Variants in A2M observed in about 807,000 individuals in gnomAD.
The protein encoded by A2M is C3 and PZP-like alpha-2-macroglobulin domain-containing protein 5.
Under a neutral mutation model 183.9 loss-of-function variants are expected in A2M, and 128 were observed. That is an observed-to-expected ratio of 0.70 (90% CI 0.60 to 0.81). A2M has a LOEUF of 0.81. A2M is among the 30% of genes least tolerant of loss of function. A2M has a pLI of 0.00. For synonymous variants in A2M, 592 were observed against 670.8 expected, an observed-to-expected ratio of 0.88 and a Z score of 1.81; for missense variants, 1,495 against 1,787.6, an observed-to-expected ratio of 0.84 and a Z score of 2.95.
chr12:9,095,741 ACTTT>A, intron 15 of A2M, 41 bp from the exon 16 acceptor site: 17 of 437,032 alleles, frequency 3.9e-5, no homozygotes, highest in East Asian at 5.3e-5. Flanking sequence ...CTTATTTGTG[ACTTT>A]TTTTTTTTTT....
chr12:9,098,840 G>A lies in A2M; in HGVS notation c.1702-84C>T, dbSNP rs137971194. The A allele has an allele frequency of 3.8e-4, 562 of 1,488,656 alleles. No individual in the cohort carries two copies. The Middle Eastern group carries it at 4.3e-3, about 11-fold the overall frequency. The allele number at this position is 1,488,656 out of a possible 1,614,324, so 92.2% of individuals were successfully genotyped here. On this transcript the variant is annotated intron_variant, in intron 14 of 35. Transcript: ENST00000318602. The stretch of plus-strand genomic sequence containing the variant: ...CTCGCATTTGCAGAGTGTTCCTCAT[G>A]TACAATGTATAACCACTCTGCTTGA...
Position 9,074,615 on chromosome 12 carries a change from A to G in A2M, c.3701T>C (p.Ile1234Thr), listed in dbSNP as rs1948682136. ...TSEDLTSATN[I>T]VKWITKQQNA... ...CTGCTGCTTCGTGATCCACTTCACGATGTTGGTTGCAGAGGTCAGGTCCTC... is the reference window on the plus strand; with the variant it reads ...CTGCTGCTTCGTGATCCACTTCACGGTGTTGGTTGCAGAGGTCAGGTCCTC... Residue 1234 changes from isoleucine (I) to threonine (T), a missense_variant, in exon 29 of 36, where the codon ATC becomes ACC. Transcript: ENST00000318602. 6.2e-7 allele frequency: 1 copy of G among 1,613,656 alleles called. No homozygotes were observed. The highest frequency in any genetic ancestry group is 1.3e-5 in the African/African-American group (1 of 74,862).
intron 33 of A2M, 121 bp downstream of exon 33, chr12:9,069,624 A>G: frequency 1.5e-6 from 1 of 674,530 alleles, no homozygotes; most frequent in Non-Finnish European, 2.5e-6. Context: ...TAGAGTTAAC[A>G]TTAGAATTCT....
chr12:9,090,478 C>T lies in A2M; in HGVS notation c.2474G>A (p.Ser825Asn). 1 of 1,613,838 alleles carries T rather than the reference C, an allele frequency of 6.2e-7. No individual in the cohort carries two copies. Among genetic ancestry groups the T allele is most frequent in the Middle Eastern group, 1.7e-4 (1 of 6,060 alleles). ...GGCGGGAGAGGCTTCCAGCTGCACA[C>T]TGACCTGAAACCACACATAAGAAAG... Reference protein sequence around the residue: ...LNYLPKCIRVSVQLEASPAFL... With the variant: ...LNYLPKCIRVNVQLEASPAFL... The change falls in exon 20 of 36, where the codon AGT becomes AAT. Residue 825 changes from serine (S) to asparagine (N), a missense_variant. Ser to Asn is a conservative substitution (Grantham distance 46, BLOSUM62 1). Coordinates refer to ENST00000318602, the MANE Select transcript of A2M (RefSeq NM_000014.6).
intron 7 of A2M, among the ~76,000 whole-genome samples, chr12:9,108,620 A>G (rs1938489117): frequency 6.6e-6 from 1 of 152,204 alleles, no homozygotes; most frequent in South Asian, 2.1e-4. Context: ...CTAGCTGAAT[A>G]GTAGGTGTAT....
At position 9,093,581 on chromosome 12, in the gene A2M, T is replaced by C. The variant is rs762288775; in HGVS notation, c.2126-2A>G. ...GGCCTCTTCCCATTACATCTGACTCTATGGTGAGTGAGGAAGAAGACATTA... is the reference window on the plus strand; with the variant it reads ...GGCCTCTTCCCATTACATCTGACTCCATGGTGAGTGAGGAAGAAGACATTA... On this transcript the variant is annotated splice_acceptor_variant, in intron 17 of 35. Transcript: ENST00000318602. LOFTEE classifies it high-confidence loss of function. 1 of 1,131,956 alleles carries C rather than the reference T, an allele frequency of 8.8e-7. No individual in the cohort carries two copies. The highest frequency in any genetic ancestry group is 1.2e-6 in the Non-Finnish European group (1 of 823,616). The allele number at this position is 1,131,956 out of a possible 1,614,324, so 70.1% of individuals were successfully genotyped here. A position where few individuals can be genotyped will look rare whatever the true frequency, so the allele number is the denominator to read the frequency against.
intron 2 of A2M, among the ~76,000 whole-genome samples, chr12:9,113,135 G>A (rs748416354): frequency 6.7e-6 from 1 of 150,344 alleles, no homozygotes; most frequent in South Asian, 2.1e-4. Context: ...TGGCTAATAG[G>A]GTTTCTATGT....
intron 16 of A2M, 48 bp from the exon 17 acceptor site, chr12:9,095,132 T>C: frequency 1.0e-6 from 1 of 973,510 alleles, no homozygotes; most frequent in Non-Finnish European, 1.5e-6. Flanking sequence ...TTATAAAATA[T>C]ACATAGGTAG....
Position 9,076,766 on chromosome 12 carries a change from A to G in A2M, c.3522T>C (p.Ala1174=). The change falls in exon 28 of 36, where the codon GCT becomes GCC. Residue 1174 remains alanine, a synonymous_variant. Coordinates refer to ENST00000318602, the MANE Select transcript of A2M (RefSeq NM_000014.6). ...KEVLKSLNEE[A]VKKDNSVHWE... The stretch of plus-strand genomic sequence containing the variant: ...CAGGTGTGCTCTCACCTTTCTTCAC[A>G]GCTTCCTCATTAAGTGACTTGAGTA... The G allele has an allele frequency of 6.2e-7, 1 of 1,613,908 alleles. No homozygotes were observed.
chr12:9,102,676 C>T (rs1937974639), intron 11 of A2M, among the ~76,000 whole-genome samples: 1 of 152,136 alleles, frequency 6.6e-6, no homozygotes, highest in African/African-American at 2.4e-5. Flanking sequence ...CTAGTGAATC[C>T]TTGAGCAAAA....
intron 15 of A2M, 185 bp downstream of exon 15, chr12:9,098,422 G>T: frequency 2.8e-6 from 1 of 351,274 alleles, no homozygotes; most frequent in Non-Finnish European, 4.6e-6. Flanking sequence ...AACTGCAGAA[G>T]TGAGTAGTTA....
intron 21 of A2M, 22 bp from the exon 22 acceptor site, chr12:9,089,273 G>A (rs1170342191): frequency 1.3e-6 from 2 of 1,551,002 alleles, no homozygotes; most frequent in Non-Finnish European, 1.8e-6. Context: ...AGAAAGAAAA[G>A]CTAGTGAGAA....
At position 9,090,405 on chromosome 12, in the gene A2M, A is replaced by G. The variant is rs369544573; in HGVS notation, c.2547T>C (p.Cys849=). 328 of 1,613,920 alleles carry G rather than the reference A, an allele frequency of 2.0e-4. No individual in the cohort carries two copies. Among genetic ancestry groups the G allele is most frequent in the Admixed American group, 3.7e-4 (22 of 60,014 alleles). The change falls in exon 20 of 36, where the codon TGT becomes TGC. Residue 849 remains cysteine (C), a synonymous_variant. Transcript: ENST00000318602. ...AGGACACAGTTTGCCGCCCGTTTGC[A>G]CAGATGCAGTGAGGCGCTTGTTCCT... ...VEKEQAPHCI[C]ANGRQTVSWA...
At chr12:9,080,625 A>G (rs1177010053) in intron 22 of A2M, among the ~76,000 whole-genome samples, 1 of 152,220 alleles carries the variant, frequency 6.6e-6, no homozygotes, top group African/African-American at 2.4e-5. Context: ...TTCTATAATA[A>G]TGCTATGTTC....
intron 18 of A2M, among the ~76,000 whole-genome samples, 183 bp from the exon 19 acceptor site, chr12:9,091,612 A>G (rs770997415): frequency 2.9e-4 from 44 of 152,228 alleles, no homozygotes; most frequent in Non-Finnish European, 5.6e-4. Context: ...ACTGTTTTTA[A>G]TTGTAGTATA....
At chr12:9,080,638 T>G (rs770922870) in intron 22 of A2M, among the ~76,000 whole-genome samples, 1 of 152,350 alleles carries the variant, frequency 6.6e-6, no homozygotes, top group African/African-American at 2.4e-5. Flanking sequence ...CTATGTTCTT[T>G]CTTCAAATTT....
chr12:9,102,653 G>C (rs1937971857), intron 11 of A2M, among the ~76,000 whole-genome samples: 1 of 152,022 alleles, frequency 6.6e-6, no homozygotes, highest in African/African-American at 2.4e-5. Flanking sequence ...TTCATCCCCA[G>C]CTCCCAATAG....
intron 18 of A2M, among the ~76,000 whole-genome samples, chr12:9,091,921 A>C (rs181843508): frequency 1.3e-5 from 2 of 152,342 alleles, no homozygotes; most frequent in South Asian, 2.1e-4. Context: ...GCTCTGATGC[A>C]ATTAGATTAG....
At chr12:9,067,901 C>A in intron 35 of A2M, 62 bp from the exon 36 acceptor site, 2 of 1,505,550 alleles carry the variant, frequency 1.3e-6, no homozygotes, top group Non-Finnish European at 1.8e-6. Context: ...AGAGAGTATT[C>A]TTTCCCTTAG....
Sources: gnomAD v4.1 joint callset for allele counts (sites outside exome capture counted in the v4.1 genomes callset) on GRCh38, gnomAD v4.1.1 for gene constraint, MANE v1.5 for transcripts, NCBI Gene and HGNC (gene_info 2026-07-23, HGNC 2026-07-21) for gene names.